The following NOS1AP variants were observed in gnomAD, a reference collection of about 807,000 sequenced individuals.
NOS1AP encodes nitric oxide synthase 1 adaptor protein.
NOS1AP carries 21 observed loss-of-function variants against 56.2 expected under a neutral mutation model. The observed-to-expected ratio is 0.37, with a 90% CI of 0.26 to 0.54. The LOEUF is 0.54. Ranked by LOEUF, NOS1AP falls within the 20% of genes least tolerant of loss-of-function variation. The pLI is 0.84. For missense variants in NOS1AP, 522 were observed against 657.8 expected (o/e 0.79, Z 2.26); for synonymous variants, 270 against 274.6 (o/e 0.98, Z 0.17).
intron 2 of NOS1AP, among the ~76,000 whole-genome samples, chr1:162,245,068 C>T (rs573551391): frequency 5.9e-5 from 9 of 151,946 alleles, no homozygotes; most frequent in Non-Finnish European, 8.8e-5. Context: ...AAGGATAGGG[C>T]GAGGAAAGAG....
chr1:162,131,252 G>A (rs925257524), intron 1 of NOS1AP, among the ~76,000 whole-genome samples: 6 of 151,888 alleles, frequency 4.0e-5, no homozygotes, highest in Non-Finnish European at 5.9e-5. Context: ...TATATAATAA[G>A]CAAATAACTG....
At chr1:162,155,279 C>CATATATATGTATATAT (rs1238321747) in intron 2 of NOS1AP, among the ~76,000 whole-genome samples, 1 of 136,606 alleles carries the variant, frequency 7.3e-6, no homozygotes, top group Admixed American at 7.4e-5. Flanking sequence ...CATACATATA[C>CATATATATGTATATAT]ACATATATAC....
chr1:162,256,076 G>A (rs1654017767), intron 2 of NOS1AP, among the ~76,000 whole-genome samples: 3 of 152,022 alleles, frequency 2.0e-5, no homozygotes, highest in South Asian at 4.2e-4. Flanking sequence ...TCCACAAGAC[G>A]GAGGTTGCAT....
At chr1:162,073,931 A>G (rs1691716450) in intron 1 of NOS1AP, among the ~76,000 whole-genome samples, 1 of 151,982 alleles carries the variant, frequency 6.6e-6, no homozygotes, top group African/African-American at 2.4e-5. Context: ...CTGCCTCCTG[A>G]TCTCCCAGTA....
rs1453803634 is a variant in NOS1AP, at chr1:162,355,302, G to T, written c.711G>T (p.Val237=). ...ATGTCCTGGAATTCAGCCGAGGTGTGACTGATCTAGATGCTGTAGGGAAGG... is the reference window on the plus strand; with the variant it reads ...ATGTCCTGGAATTCAGCCGAGGTGTTACTGATCTAGATGCTGTAGGGAAGG... The part of the protein sequence containing the change: ...GNDVLEFSRG[V]TDLDAVGKEG... Residue 237 remains valine (V), a synonymous_variant, in exon 7 of 10, where the codon GTG becomes GTT. Transcript: ENST00000361897. The T allele has an allele frequency of 9.3e-6, 15 of 1,614,054 alleles. No individual in the cohort carries two copies. The highest frequency in any genetic ancestry group is 1.2e-5 in the Non-Finnish European group (14 of 1,180,046).
intron 6 of NOS1AP, among the ~76,000 whole-genome samples, chr1:162,347,332 A>T (rs142051421): frequency 5.3e-4 from 81 of 152,366 alleles, no homozygotes; most frequent in African/African-American, 1.9e-3. Flanking sequence ...CACATGTACA[A>T]AGAAAGTTTA....
At chr1:162,118,536 TGCAGTGAACATACAG>T (rs1483133523) in intron 1 of NOS1AP, among the ~76,000 whole-genome samples, 2 of 152,224 alleles carry the variant, frequency 1.3e-5, no homozygotes, top group Non-Finnish European at 2.9e-5. Context: ...TGAATAGCAC[TGCAGTGAACATACAG>T]GCAGGCATTT....
At chr1:162,250,214 G>T (rs1470367976) in intron 2 of NOS1AP, among the ~76,000 whole-genome samples, 1 of 152,136 alleles carries the variant, frequency 6.6e-6, no homozygotes, top group Non-Finnish European at 1.5e-5. Flanking sequence ...GACAGTTCTA[G>T]GAATTTTCTG....
chr1:162,159,210 G>A (rs1280562220), intron 2 of NOS1AP, among the ~76,000 whole-genome samples: 1 of 152,174 alleles, frequency 6.6e-6, no homozygotes, highest in Admixed American at 6.5e-5. Flanking sequence ...TGGGAAGGCA[G>A]CACTATGTAG....
At chr1:162,170,870 C>T (rs1290412275) in intron 2 of NOS1AP, among the ~76,000 whole-genome samples, 3 of 151,112 alleles carry the variant, frequency 2.0e-5, no homozygotes, top group Admixed American at 6.6e-5. Flanking sequence ...ACCAGGGAGG[C>T]GGAGGTTGCA....
Position 162,165,271 on chromosome 1 carries a change from A to G in NOS1AP, c.177+10795A>G, listed in dbSNP as rs146566673. Among the ~76,000 whole-genome samples, 397 of 152,302 alleles carry G rather than the reference A, an allele frequency of 2.6e-3. 2 individuals carry two copies. Among genetic ancestry groups the G allele is most frequent in the African/African-American group, 9.0e-3 (374 of 41,562 alleles). ...AGGAGGCAGGGGTTGCGGTGAGCCA[A>G]GATTGCACCATTGCACTCCAGCCTG... On this transcript the variant is annotated intron_variant, in intron 2 of 9. Coordinates refer to ENST00000361897, the MANE Select transcript of NOS1AP (RefSeq NM_014697.3).
In NOS1AP at chr1:162,324,067, C is replaced by G. The variant is rs1035801336; in HGVS notation, c.345-8950C>G. On this transcript the variant is annotated intron_variant, in intron 4 of 9. Coordinates refer to ENST00000361897, the MANE Select transcript of NOS1AP (RefSeq NM_014697.3). The stretch of plus-strand genomic sequence containing the variant: ...CTAGATGATGCTCCTCCAGCATACA[C>G]CAGTCAAACTAGTGCCCCTAATATT... Among the ~76,000 whole-genome samples the G allele has an allele frequency of 2.8e-4, 42 of 152,192 alleles. 1 individual carries two copies. Among genetic ancestry groups the G allele is most frequent in the African/African-American group, 9.9e-4 (41 of 41,434 alleles).
At chr1:162,359,749 G>A (rs760789909) in intron 8 of NOS1AP, among the ~76,000 whole-genome samples, 35 of 152,010 alleles carry the variant, frequency 2.3e-4, no homozygotes, top group Non-Finnish European at 4.1e-4. Flanking sequence ...TTTCCAGCAC[G>A]AGGTCAGCTC....
intron 1 of NOS1AP, among the ~76,000 whole-genome samples, chr1:162,077,206 A>T (rs150026600): frequency 6.6e-6 from 1 of 152,322 alleles, no homozygotes; most frequent in East Asian, 1.9e-4. Context: ...CAGTGTGTTC[A>T]TATCTTCACC....
At chr1:162,216,007 C>T (rs1652556072) in intron 2 of NOS1AP, among the ~76,000 whole-genome samples, 1 of 152,164 alleles carries the variant, frequency 6.6e-6, no homozygotes, top group Non-Finnish European at 1.5e-5. Context: ...GTGTGTTCAC[C>T]CGTTTGTGGG....
At chr1:162,275,471 TGCACTTTGAATTATTTCTG>T (rs1309873362) in intron 2 of NOS1AP, among the ~76,000 whole-genome samples, 1 of 152,250 alleles carries the variant, frequency 6.6e-6, no homozygotes, top group Non-Finnish European at 1.5e-5. Context: ...AAGCCTGTGA[TGCACTTTGAATTATTTCTG>T]GCATAAGGTA....
At chr1:162,248,772 A>T (rs1447764667) in intron 2 of NOS1AP, among the ~76,000 whole-genome samples, 1 of 152,076 alleles carries the variant, frequency 6.6e-6, no homozygotes. Context: ...CAAACCATAA[A>T]CATTCATGTC....
chr1:162,244,501 G>T (rs1214143200), intron 2 of NOS1AP, among the ~76,000 whole-genome samples: 4 of 152,168 alleles, frequency 2.6e-5, no homozygotes, highest in Admixed American at 6.5e-5. Flanking sequence ...TACAGATGAA[G>T]AATTTAGTGC....
intron 2 of NOS1AP, among the ~76,000 whole-genome samples, chr1:162,201,353 G>A (rs1427669876): frequency 6.6e-6 from 1 of 152,110 alleles, no homozygotes; most frequent in African/African-American, 2.4e-5. Context: ...GTCTATCACT[G>A]ATGGGCATTT....
Sources: allele counts gnomAD v4.1 joint callset (sites outside exome capture counted in the v4.1 genomes callset), GRCh38; gene constraint gnomAD v4.1.1; transcripts MANE v1.5; gene names NCBI Gene and HGNC (gene_info 2026-07-23, HGNC 2026-07-21).